TSPAN5: variants seen among roughly 807,000 people sequenced by gnomAD.
TSPAN5 encodes the protein tetraspanin 5.
In TSPAN5, 10 loss-of-function variants were observed where a neutral mutation model predicts 37.1. The ratio of observed to expected loss-of-function variants is 0.27; its 90% confidence interval spans 0.17 to 0.46. The LOEUF is 0.46. TSPAN5 is among the 20% of genes least tolerant of loss of function. The pLI, the probability that TSPAN5 is intolerant of heterozygous loss-of-function variation, is 1.00. For missense variants in TSPAN5, 195 were observed against 326.6 expected, an observed-to-expected ratio of 0.60 and a Z score of 3.11; for synonymous variants, 110 against 118.9, an observed-to-expected ratio of 0.93 and a Z score of 0.48.
intron 1 of TSPAN5, among the ~76,000 whole-genome samples, chr4:98,531,302 G>A (rs894982920): frequency 6.6e-6 from 1 of 152,034 alleles, no homozygotes; most frequent in Non-Finnish European, 1.5e-5. Context: ...TCCCACTTAT[G>A]AGTGAGAACA....
intron 1 of TSPAN5, among the ~76,000 whole-genome samples, chr4:98,587,950 A>G (rs1054632989): frequency 1.3e-5 from 2 of 152,164 alleles, no homozygotes; most frequent in African/African-American, 4.8e-5. Flanking sequence ...CCCAAAACCT[A>G]TCCAAGTTTT....
At chr4:98,647,842 T>G (rs1560573270) in intron 1 of TSPAN5, among the ~76,000 whole-genome samples, 1 of 150,124 alleles carries the variant, frequency 6.7e-6, no homozygotes, top group Non-Finnish European at 1.5e-5. Flanking sequence ...TTTGTTTGGT[T>G]GGCTTTTCTG....
At chr4:98,496,106 T>C (rs925503040) in intron 2 of TSPAN5, among the ~76,000 whole-genome samples, 5 of 151,982 alleles carry the variant, frequency 3.3e-5, no homozygotes, top group African/African-American at 1.2e-4. Context: ...TGAGAAAGGG[T>C]AACGAGGAAT....
intron 2 of TSPAN5, among the ~76,000 whole-genome samples, chr4:98,495,516 A>G (rs776047440): frequency 3.3e-4 from 45 of 136,504 alleles, no homozygotes; most frequent in Non-Finnish European, 5.2e-4. Context: ...CGGGAGACAG[A>G]GAGAGCCTCC....
chr4:98,498,694 C>T (rs952224835), intron 2 of TSPAN5, among the ~76,000 whole-genome samples: 2 of 152,100 alleles, frequency 1.3e-5, no homozygotes, highest in African/African-American at 4.8e-5. Context: ...CACCCTAAAC[C>T]TTAGGAGGAG....
intron 1 of TSPAN5, among the ~76,000 whole-genome samples, chr4:98,642,296 A>G (rs1314520423): frequency 6.6e-6 from 1 of 152,198 alleles, no homozygotes; most frequent in Non-Finnish European, 1.5e-5. Context: ...CACAGAAACA[A>G]CACTTAAACT....
intron 1 of TSPAN5, among the ~76,000 whole-genome samples, chr4:98,653,880 T>C (rs928060062): frequency 9.2e-5 from 14 of 152,190 alleles, no homozygotes; most frequent in African/African-American, 3.4e-4. Context: ...ACCTTGACAC[T>C]TCTCCATCAA....
chr4:98,626,301 A>T (rs1349447935), intron 1 of TSPAN5, among the ~76,000 whole-genome samples: 1 of 152,188 alleles, frequency 6.6e-6, no homozygotes, highest in East Asian at 1.9e-4. Context: ...CAGATACACA[A>T]AGGGCTTATC....
intron 2 of TSPAN5, among the ~76,000 whole-genome samples, chr4:98,500,573 T>A (rs553283665): frequency 3.3e-4 from 50 of 152,316 alleles, no homozygotes; most frequent in African/African-American, 1.0e-3. Flanking sequence ...GACTTCCAGT[T>A]TGACATCTCT....
At chr4:98,512,308 A>G (rs1337844222) in intron 1 of TSPAN5, among the ~76,000 whole-genome samples, 1 of 152,238 alleles carries the variant, frequency 6.6e-6, no homozygotes, top group African/African-American at 2.4e-5. Flanking sequence ...TCCTTAGCCC[A>G]AGACCAAAAC....
At chr4:98,615,236 GC>G (rs1756296160) in intron 1 of TSPAN5, among the ~76,000 whole-genome samples, 1 of 152,206 alleles carries the variant, frequency 6.6e-6, no homozygotes, top group South Asian at 2.1e-4. Context: ...GACCAAGAGA[GC>G]CTAATGCCAC....
At chr4:98,613,267 A>G (rs1185014524) in intron 1 of TSPAN5, among the ~76,000 whole-genome samples, 1 of 152,192 alleles carries the variant, frequency 6.6e-6, no homozygotes, top group Non-Finnish European at 1.5e-5. Flanking sequence ...TATGAAAGAA[A>G]AAATTTACAG....
intron 2 of TSPAN5, among the ~76,000 whole-genome samples, chr4:98,502,357 G>C (rs1388428764): frequency 2.0e-5 from 3 of 152,182 alleles, no homozygotes; most frequent in Admixed American, 6.5e-5. Flanking sequence ...AGCTCAGACT[G>C]AGCCTTGGGC....
intron 2 of TSPAN5, among the ~76,000 whole-genome samples, chr4:98,490,004 T>G (rs1753051515): frequency 6.6e-6 from 1 of 152,220 alleles, no homozygotes; most frequent in African/African-American, 2.4e-5. Context: ...GCTGTGAACC[T>G]TTGTCAACAG....
At chr4:98,589,881 C>T (rs536273950) in intron 1 of TSPAN5, among the ~76,000 whole-genome samples, 1 of 152,104 alleles carries the variant, frequency 6.6e-6, no homozygotes, top group Non-Finnish European at 1.5e-5. Context: ...GGGTTTTTCT[C>T]CCCTTTTTCT....
At chr4:98,654,958 T>C (rs1233894190) in intron 1 of TSPAN5, among the ~76,000 whole-genome samples, 1 of 152,142 alleles carries the variant, frequency 6.6e-6, no homozygotes, top group Non-Finnish European at 1.5e-5. Flanking sequence ...GTGATTCCCC[T>C]GCCTCAGCCT....
intron 4 of TSPAN5, among the ~76,000 whole-genome samples, chr4:98,479,713 C>A (rs748876821): frequency 6.6e-6 from 1 of 152,186 alleles, no homozygotes; most frequent in Non-Finnish European, 1.5e-5. Context: ...AGCTTCACGT[C>A]CTGTTTCTAT....
chr4:98,555,231 G>A (rs1021049673), intron 1 of TSPAN5, among the ~76,000 whole-genome samples: 3 of 152,034 alleles, frequency 2.0e-5, no homozygotes, highest in African/African-American at 7.3e-5. Flanking sequence ...GGATCTCTGT[G>A]CTCTCCTTTC....
At chr4:98,649,601 G>A (rs185556333) in intron 1 of TSPAN5, among the ~76,000 whole-genome samples, 4 of 152,330 alleles carry the variant, frequency 2.6e-5, no homozygotes, top group African/African-American at 9.6e-5. Context: ...TATGAAGCAC[G>A]TTGATATGCA....
Sources: allele counts gnomAD v4.1 joint callset (sites outside exome capture counted in the v4.1 genomes callset), GRCh38; gene constraint gnomAD v4.1.1; transcripts MANE v1.5; gene names NCBI Gene and HGNC (gene_info 2026-07-23, HGNC 2026-07-21).